Variants in SUGCT observed in about 807,000 individuals in gnomAD.
SUGCT encodes the protein succinyl-CoA:glutarate-CoA transferase, also known as succinyl-CoA:glutarate CoA-transferase.
SUGCT carries 41 observed loss-of-function variants against 55.0 expected under a neutral mutation model. That is an observed-to-expected ratio of 0.74 (90% CI 0.58 to 0.97). SUGCT has a LOEUF of 0.97. Ranked by LOEUF, SUGCT falls within the 50% of genes least tolerant of loss-of-function variation. SUGCT has a pLI of 0.00. For missense variants in SUGCT, 568 were observed against 547.8 expected, an observed-to-expected ratio of 1.04 and a Z score of -0.37; for synonymous variants, 187 against 200.4, an observed-to-expected ratio of 0.93 and a Z score of 0.56.
the SUGCT span, among the ~76,000 whole-genome samples, chr7:41,019,640 T>C: frequency 6.6e-6 from 1 of 152,188 alleles, no homozygotes; most frequent in East Asian, 1.9e-4. Flanking sequence ...TTGAATCAAA[T>C]TTTCCAACTC....
chr7:40,473,944 C>T (rs1436189699), intron 11 of SUGCT, among the ~76,000 whole-genome samples: 2 of 151,952 alleles, frequency 1.3e-5, no homozygotes, highest in African/African-American at 2.4e-5. Flanking sequence ...TATTTCTCCC[C>T]CATTCTTTTA....
chr7:40,537,132 A>G (rs567967150), intron 12 of SUGCT, among the ~76,000 whole-genome samples: 2 of 152,258 alleles, frequency 1.3e-5, no homozygotes, highest in South Asian at 4.1e-4. Flanking sequence ...ACATGTCTCA[A>G]TCTTTCTGTG....
chr7:40,488,632 G>A (rs1257319263), intron 11 of SUGCT, among the ~76,000 whole-genome samples: 2 of 152,022 alleles, frequency 1.3e-5, no homozygotes, highest in Non-Finnish European at 2.9e-5. Flanking sequence ...CTTGAAGAAC[G>A]ATCTTTAGCA....
chr7:40,698,063 G>T (rs1785012698), intron 12 of SUGCT, among the ~76,000 whole-genome samples: 2 of 152,226 alleles, frequency 1.3e-5, no homozygotes. Flanking sequence ...AATCTTGAAG[G>T]ATGAGTGGGA....
intron 12 of SUGCT, among the ~76,000 whole-genome samples, chr7:40,661,709 T>C (rs1326066438): frequency 6.6e-6 from 1 of 152,170 alleles, no homozygotes; most frequent in Non-Finnish European, 1.5e-5. Flanking sequence ...CCTCCTATAC[T>C]CAGCCTCTCA....
Position 40,135,078 on chromosome 7 carries a change from C to T in SUGCT, c.58C>T (p.Arg20Trp), listed in dbSNP as rs1562785047. 1 of 1,558,576 alleles carries T rather than the reference C, an allele frequency of 6.4e-7. No homozygotes were observed. Among genetic ancestry groups the T allele is most frequent in the Non-Finnish European group, 8.7e-7 (1 of 1,152,604 alleles). Reference sequence around the variant, plus strand: ...GCGCAGAACCTGCCTCTTCTCCGGCCGGGGCGGCGGGAGGGGGCTGTGGAC... The same window carrying T: ...GCGCAGAACCTGCCTCTTCTCCGGCTGGGGCGGCGGGAGGGGGCTGTGGAC... ...ALRRTCLFSG[R>W]GGGRGLWTGR... Residue 20 changes from arginine to tryptophan, a missense_variant, in exon 1 of 14, where the codon CGG (arginine) becomes TGG (tryptophan). Coordinates refer to ENST00000335693, the MANE Select transcript of SUGCT (RefSeq NM_001193313.2).
intron 8 of SUGCT, among the ~76,000 whole-genome samples, chr7:40,294,789 C>T (rs1163606890): frequency 6.6e-6 from 1 of 152,132 alleles, no homozygotes; most frequent in Non-Finnish European, 1.5e-5. Flanking sequence ...TCAGGTGGTC[C>T]GCACACCTCA....
chr7:40,137,389 C>T (rs916290256), intron 1 of SUGCT, among the ~76,000 whole-genome samples: 1 of 152,256 alleles, frequency 6.6e-6, no homozygotes, highest in Non-Finnish European at 1.5e-5. Context: ...CTTGGCCTCC[C>T]AAAACTCTGC....
intron 12 of SUGCT, among the ~76,000 whole-genome samples, chr7:40,603,926 A>G (rs1419170330): frequency 6.6e-6 from 1 of 152,126 alleles, no homozygotes; most frequent in Non-Finnish European, 1.5e-5. Context: ...AGTTTAAGAT[A>G]TAGATAATAT....
chr7:40,521,871 C>G (rs2151576157), intron 12 of SUGCT, among the ~76,000 whole-genome samples: 1 of 151,984 alleles, frequency 6.6e-6, no homozygotes, highest in East Asian at 1.9e-4. Context: ...ATTGGTGGTG[C>G]TGGTATTATA....
intron 9 of SUGCT, among the ~76,000 whole-genome samples, chr7:40,325,418 G>A (rs1469579390): frequency 2.6e-5 from 4 of 151,962 alleles, no homozygotes; most frequent in Non-Finnish European, 5.9e-5. Flanking sequence ...AATCATGATG[G>A]TTACCAACAG....
chr7:40,657,278 A>G (rs1445699536), intron 12 of SUGCT, among the ~76,000 whole-genome samples: 2 of 152,130 alleles, frequency 1.3e-5, no homozygotes, highest in African/African-American at 4.8e-5. Flanking sequence ...TAAGAAAGGA[A>G]TAATTTCCTT....
chr7:40,225,206 C>G (rs1788267738), intron 6 of SUGCT, among the ~76,000 whole-genome samples: 1 of 151,990 alleles, frequency 6.6e-6, no homozygotes, highest in African/African-American at 2.4e-5. Flanking sequence ...TTTTTTTGTT[C>G]AGTATGCTTT....
At chr7:40,443,610 T>G (rs1440246562) in intron 9 of SUGCT, among the ~76,000 whole-genome samples, 1 of 152,236 alleles carries the variant, frequency 6.6e-6, no homozygotes. Flanking sequence ...TCTTTGTAGA[T>G]TCTGGATATT....
chr7:40,175,954 G>A (rs1309465295), intron 1 of SUGCT, among the ~76,000 whole-genome samples: 2 of 151,966 alleles, frequency 1.3e-5, no homozygotes, highest in Admixed American at 6.6e-5. Context: ...TAGGCTGGGC[G>A]TGGTGGCTGG....
At chr7:40,284,445 T>C (rs11773663) in intron 8 of SUGCT, among the ~76,000 whole-genome samples, 45,173 of 151,500 alleles carry the variant, frequency 0.3, 7,068 homozygotes, top group East Asian at 0.46. Flanking sequence ...CCGTCTCTAC[T>C]AAAAATACAA....
chr7:40,278,230 C>T (rs976366959), intron 8 of SUGCT, among the ~76,000 whole-genome samples: 6 of 152,142 alleles, frequency 3.9e-5, no homozygotes, highest in East Asian at 3.9e-4. Context: ...AGTGAGATAC[C>T]GTCTCACACC....
intron 7 of SUGCT, among the ~76,000 whole-genome samples, chr7:40,239,100 C>T (rs966515246): frequency 4.6e-5 from 7 of 152,100 alleles, no homozygotes. Context: ...GCCACCACAT[C>T]TAGCCTGTTT....
chr7:40,875,779 C>T, the SUGCT span, among the ~76,000 whole-genome samples: 7 of 152,330 alleles, frequency 4.6e-5, no homozygotes, highest in Non-Finnish European at 7.4e-5. Context: ...GCTTGGCAGT[C>T]CTAGTCTCCC....
Sources: gnomAD v4.1 joint callset for allele counts (sites outside exome capture counted in the v4.1 genomes callset) on GRCh38, gnomAD v4.1.1 for gene constraint, MANE v1.5 for transcripts, NCBI Gene and HGNC (gene_info 2026-07-23, HGNC 2026-07-21) for gene names.